Variants in LRMDA observed in about 807,000 individuals in gnomAD.
LRMDA encodes leucine rich melanocyte differentiation associated, also known as leucine-rich melanocyte differentiation-associated protein.
LRMDA carries 18 observed loss-of-function variants against 29.8 expected under a neutral mutation model. That is an observed-to-expected ratio of 0.60 (90% confidence interval 0.42 to 0.90). The LOEUF (loss-of-function observed/expected upper bound fraction) is 0.90. Among genes scored for constraint, LRMDA ranks in the 40% least tolerant of loss-of-function variants. The pLI, the probability that LRMDA is intolerant of heterozygous loss-of-function variation, is 0.00. For missense variants in LRMDA, 273 were observed against 273.9 expected (o/e 1.00, Z 0.02); for synonymous variants, 125 against 109.4 (o/e 1.14, Z -0.89).
At chr10:75,842,668 G>C (rs1286183593) in intron 2 of LRMDA, among the ~76,000 whole-genome samples, 1 of 152,184 alleles carries the variant, frequency 6.6e-6, no homozygotes, top group African/African-American at 2.4e-5. Flanking sequence ...TTTCAGATGG[G>C]AGCGTGTTTG....
intron 5 of LRMDA, among the ~76,000 whole-genome samples, chr10:76,219,647 A>T (rs1237000283): frequency 6.6e-6 from 1 of 152,176 alleles, no homozygotes; most frequent in Admixed American, 6.5e-5. Context: ...AGAGACTTAG[A>T]CTCCCACACG....
chr10:76,546,375 CTA>C (rs1476909413), intron 6 of LRMDA, among the ~76,000 whole-genome samples: 1 of 152,154 alleles, frequency 6.6e-6, no homozygotes, highest in East Asian at 1.9e-4. Flanking sequence ...GTTGTGGTCA[CTA>C]TGATTACCTA....
chr10:76,051,378 T>C (rs1848529063), intron 4 of LRMDA, among the ~76,000 whole-genome samples: 1 of 152,236 alleles, frequency 6.6e-6, no homozygotes, highest in Non-Finnish European at 1.5e-5. Context: ...ACTTCAAACA[T>C]GCTGCCGGTG....
At chr10:76,033,332 T>G (rs998050211) in intron 2 of LRMDA, among the ~76,000 whole-genome samples, 11 of 152,188 alleles carry the variant, frequency 7.2e-5, no homozygotes, top group African/African-American at 2.7e-4. Context: ...GAGCAGCTAA[T>G]AACGTCACAT....
intron 6 of LRMDA, among the ~76,000 whole-genome samples, chr10:76,453,322 A>G (rs1414798242): frequency 6.6e-6 from 1 of 152,216 alleles, no homozygotes; most frequent in African/African-American, 2.4e-5. Flanking sequence ...GGATTTGTCT[A>G]TTTAGTTGCC....
chr10:75,971,615 G>T (rs1464250432), intron 2 of LRMDA, among the ~76,000 whole-genome samples: 1 of 152,074 alleles, frequency 6.6e-6, no homozygotes, highest in Non-Finnish European at 1.5e-5. Flanking sequence ...GCAAGGATGG[G>T]GTTTCTTATT....
chr10:76,012,404 A>C (rs938770827), intron 2 of LRMDA, among the ~76,000 whole-genome samples: 2 of 151,812 alleles, frequency 1.3e-5, no homozygotes, highest in African/African-American at 2.4e-5. Context: ...AGCCAATGGG[A>C]CCCTAGTGCA....
intron 6 of LRMDA, among the ~76,000 whole-genome samples, chr10:76,427,946 G>A (rs1842146832): frequency 6.6e-6 from 1 of 152,166 alleles, no homozygotes; most frequent in Non-Finnish European, 1.5e-5. Context: ...GCATCCCAGG[G>A]ATGAAGCCCA....
intron 2 of LRMDA, among the ~76,000 whole-genome samples, chr10:75,545,531 G>A: frequency 6.6e-6 from 1 of 152,110 alleles, no homozygotes; most frequent in Non-Finnish European, 1.5e-5. Flanking sequence ...GACATAATAG[G>A]TGTCTGGCTT....
intron 2 of LRMDA, among the ~76,000 whole-genome samples, chr10:75,738,200 A>G (rs1159927945): frequency 6.7e-6 from 1 of 150,196 alleles, no homozygotes; most frequent in African/African-American, 2.5e-5. Flanking sequence ...AGTTCCTTTC[A>G]TGTTTGTTTT....
At chr10:75,445,675 T>A (rs1844384794) in intron 2 of LRMDA, among the ~76,000 whole-genome samples, 1 of 152,226 alleles carries the variant, frequency 6.6e-6, no homozygotes. Context: ...AGAGTTCTCC[T>A]TGGTGGCCCC....
At chr10:75,681,071 G>T (rs999935057) in intron 2 of LRMDA, among the ~76,000 whole-genome samples, 7 of 152,134 alleles carry the variant, frequency 4.6e-5, no homozygotes, top group Admixed American at 3.3e-4. Flanking sequence ...TGAAGGGAAA[G>T]GTATATTAAC....
chr10:75,934,051 T>C (rs762168609), intron 2 of LRMDA, among the ~76,000 whole-genome samples: 10 of 152,194 alleles, frequency 6.6e-5, no homozygotes, highest in Non-Finnish European at 1.3e-4. Flanking sequence ...CTTGGTTAGC[T>C]CTGTGGCCTT....
intron 5 of LRMDA, among the ~76,000 whole-genome samples, chr10:76,286,119 A>G (rs1407520112): frequency 2.0e-5 from 3 of 152,200 alleles, no homozygotes; most frequent in Admixed American, 1.3e-4. Context: ...GAGTCGCTGT[A>G]GCATACATTT....
intron 5 of LRMDA, among the ~76,000 whole-genome samples, chr10:76,084,978 T>C (rs1435257953): frequency 6.6e-6 from 1 of 152,190 alleles, no homozygotes. Flanking sequence ...GCTCTTTCAG[T>C]GGACTGAATG....
At chr10:76,365,123 C>CACAT (rs1841377669) in intron 6 of LRMDA, among the ~76,000 whole-genome samples, 1 of 107,546 alleles carries the variant, frequency 9.3e-6, no homozygotes. Flanking sequence ...CACACACATA[C>CACAT]ACACCACAGT....
intron 2 of LRMDA, among the ~76,000 whole-genome samples, chr10:75,926,726 C>G (rs1589255841): frequency 1.3e-5 from 2 of 152,214 alleles, no homozygotes; most frequent in African/African-American, 4.8e-5. Flanking sequence ...CCCACTCATG[C>G]TGCTGTTATT....
At chr10:76,043,130 A>C (rs1400262638) in intron 3 of LRMDA, among the ~76,000 whole-genome samples, 1 of 152,148 alleles carries the variant, frequency 6.6e-6, no homozygotes, top group Non-Finnish European at 1.5e-5. Flanking sequence ...TCAAAAAAAA[A>C]GATTTCAGGA....
intron 5 of LRMDA, among the ~76,000 whole-genome samples, chr10:76,107,687 T>C (rs1363329863): frequency 6.6e-6 from 1 of 152,238 alleles, no homozygotes; most frequent in African/African-American, 2.4e-5. Context: ...TTTGCTGGTC[T>C]CTGGATGCCT....
Sources: gnomAD v4.1 joint callset for allele counts (sites outside exome capture counted in the v4.1 genomes callset) on GRCh38, gnomAD v4.1.1 for gene constraint, MANE v1.5 for transcripts, NCBI Gene and HGNC (gene_info 2026-07-23, HGNC 2026-07-21) for gene names.